The following MROH7 variants were observed in gnomAD, a reference collection of about 807,000 sequenced individuals.
MROH7 encodes maestro heat like repeat family member 7.
MROH7 carries 113 observed loss-of-function variants against 129.2 expected under a neutral mutation model. The observed-to-expected ratio is 0.87, with a 90% CI of 0.75 to 1.02. The LOEUF (loss-of-function observed/expected upper bound fraction) is 1.02, where lower values mean the gene tolerates loss of function less well. MROH7 is among the 50% of genes least tolerant of loss of function. MROH7 has a pLI of 0.00. For missense variants in MROH7, 1,601 were observed against 1,671.3 expected (o/e 0.96, Z 0.73); for synonymous variants, 655 against 667.9 (o/e 0.98, Z 0.30).
intron 4 of MROH7, among the ~76,000 whole-genome samples, chr1:54,667,549 G>C (rs979624909): frequency 1.3e-5 from 2 of 151,628 alleles, no homozygotes; most frequent in African/African-American, 4.9e-5. Flanking sequence ...TTTGCCTCCT[G>C]GGTTCAAGTG....
At chr1:54,683,172 A>AT (rs1358782214) in intron 14 of MROH7, among the ~76,000 whole-genome samples, 3 of 152,116 alleles carry the variant, frequency 2.0e-5, no homozygotes, top group Non-Finnish European at 2.9e-5. Flanking sequence ...CCTCTTCTCT[A>AT]TTTTTTTAAA....
chr1:54,662,806 C>G (rs1042959349), intron 3 of MROH7, among the ~76,000 whole-genome samples: 5 of 152,148 alleles, frequency 3.3e-5, no homozygotes, highest in Non-Finnish European at 7.4e-5. Flanking sequence ...TACGTTTTTT[C>G]TAGTCTGATC....
Position 54,652,911 on chromosome 1 carries a change from G to A in MROH7, c.-16G>A. 5 of 1,544,186 alleles carry A rather than the reference G, an allele frequency of 3.2e-6. No homozygotes were observed. Among genetic ancestry groups the A allele is most frequent in the Non-Finnish European group, 4.4e-6 (5 of 1,148,992 alleles). On this transcript the variant is annotated 5_prime_UTR_variant, in exon 3 of 24. Transcript: ENST00000421030. ...AGAGAAGCGGGCACTGGCATTGAGA[G>A]ACCTCCAGACTGGACATGGCCCTGA...
Position 54,652,961 on chromosome 1 carries a change from A to C in MROH7, c.35A>C (p.His12Pro). ...AGTCCAGGGGCTAACCTGGTCTTCC[A>C]TGAAGACCCAAAGATGACACCAAGT... Reference protein sequence around the residue: ...ALSPGANLVFHEDPKMTPSPP... With the variant: ...ALSPGANLVFPEDPKMTPSPP... The change falls in exon 3 of 24, where the codon CAT becomes CCT. Residue 12 changes from histidine (H) to proline (P), a missense_variant. Coordinates refer to ENST00000421030, the MANE Select transcript of MROH7 (RefSeq NM_001039464.4). 1 of 1,610,098 alleles carries C rather than the reference A, an allele frequency of 6.2e-7. No homozygotes were observed. Among genetic ancestry groups the C allele is most frequent in the Non-Finnish European group, 8.5e-7 (1 of 1,178,136 alleles).
At chr1:54,709,175 C>A in intron 23 of MROH7, 99 bp downstream of exon 23, 1 of 1,137,250 alleles carries the variant, frequency 8.8e-7, no homozygotes, top group Non-Finnish European at 1.3e-6. Flanking sequence ...TGTCCCAAGA[C>A]AAGGGTCTTC....
At chr1:54,695,825 G>T (rs1645313426) in intron 17 of MROH7, 1 of 370,620 alleles carries the variant, frequency 2.7e-6, no homozygotes, top group South Asian at 2.1e-5. Context: ...GGACACAGAG[G>T]ACACCCCAGT....
intron 16 of MROH7, among the ~76,000 whole-genome samples, chr1:54,694,763 T>C (rs1212865377): frequency 1.3e-5 from 2 of 152,054 alleles, no homozygotes; most frequent in Non-Finnish European, 2.9e-5. Flanking sequence ...GCGCCTGGCT[T>C]GGGATGGTTC....
At position 54,679,449 on chromosome 1, in the gene MROH7, C is replaced by A; in HGVS notation, c.2226+10C>A. 12 of 1,610,228 alleles carry A rather than the reference C, an allele frequency of 7.5e-6. No individual in the cohort carries two copies. Among genetic ancestry groups the A allele is most frequent in the Non-Finnish European group, 1.0e-5 (12 of 1,177,642 alleles). On this transcript the variant is annotated intron_variant, in intron 12 of 23. Coordinates refer to ENST00000421030, the MANE Select transcript of MROH7 (RefSeq NM_001039464.4). ...CAGGGCGCTGGAGGTGGTAAGGCCT[C>A]CTGGGGGCAGGGAGTGAACTGTCAC... is the stretch of plus-strand genomic sequence containing the variant.
At chr1:54,685,308 A>G (rs2101147264) in intron 14 of MROH7, among the ~76,000 whole-genome samples, 1 of 152,276 alleles carries the variant, frequency 6.6e-6, no homozygotes, top group East Asian at 1.9e-4. Context: ...GGCATGAGCC[A>G]CTGTGCCTGG....
At chr1:54,707,638 A>G (rs1260250282) in intron 22 of MROH7, among the ~76,000 whole-genome samples, 2 of 152,172 alleles carry the variant, frequency 1.3e-5, no homozygotes, top group Non-Finnish European at 2.9e-5. Flanking sequence ...TCTTGCTCTA[A>G]ATTAATCACT....
intron 3 of MROH7, among the ~76,000 whole-genome samples, chr1:54,655,613 C>T (rs1378764316): frequency 6.6e-6 from 1 of 151,994 alleles, no homozygotes; most frequent in Non-Finnish European, 1.5e-5. Flanking sequence ...CTCCTGGCCT[C>T]AAGCTATCCT....
chr1:54,653,740 T>A lies in MROH7; in HGVS notation c.814T>A (p.Ser272Thr). Residue 272 changes from serine (S) to threonine (T), a missense_variant, in exon 3 of 24, where the codon TCA becomes ACA. Coordinates refer to ENST00000421030, the MANE Select transcript of MROH7 (RefSeq NM_001039464.4). ...CTTTAGTACCACCTGGAGCACAAGT[T>A]CAAAGGAAACCATGAATGTGGCTTC... ...GAFSTTWSTSSKETMNVASSG... is the reference protein window; with the variant it reads ...GAFSTTWSTSTKETMNVASSG... The A allele has an allele frequency of 6.2e-7, 1 of 1,614,178 alleles. No individual in the cohort carries two copies.
intron 17 of MROH7, chr1:54,697,334 A>AG (rs1645339616): frequency 3.6e-6 from 1 of 279,138 alleles, no homozygotes; most frequent in Non-Finnish European, 6.7e-6. Context: ...ATGAGTTGGG[A>AG]GAAGGGACCA....
At chr1:54,709,188 C>A in intron 23 of MROH7, 112 bp downstream of exon 23, 2 of 1,021,478 alleles carry the variant, frequency 2.0e-6, no homozygotes, top group African/African-American at 1.6e-5. Context: ...GGGTCTTCAA[C>A]TCAGTTCAGT....
At chr1:54,695,699 C>A (rs1645311146) in intron 17 of MROH7, 1 of 603,608 alleles carries the variant, frequency 1.7e-6, no homozygotes, top group African/African-American at 1.8e-5. Flanking sequence ...TAACCAGACT[C>A]CCCTAGTGCC....
In MROH7 at chr1:54,674,005, A is replaced by C. The variant is rs1644943684; in HGVS notation, c.1801-11A>C. 5.6e-6 allele frequency: 9 copies of C among 1,613,360 alleles called. No homozygotes were observed. Among genetic ancestry groups the C allele is most frequent in the Non-Finnish European group, 7.6e-6 (9 of 1,179,730 alleles). Reference sequence around the variant, plus strand: ...TATAACACTCAATCCCTAAGATTGCAATACAAACAGATGCCCTTGGGGTTC... The same window carrying C: ...TATAACACTCAATCCCTAAGATTGCCATACAAACAGATGCCCTTGGGGTTC... On this transcript the variant is annotated splice_polypyrimidine_tract_variant and intron_variant, in intron 9 of 23. Coordinates refer to ENST00000421030, the MANE Select transcript of MROH7 (RefSeq NM_001039464.4).
intron 10 of MROH7, among the ~76,000 whole-genome samples, chr1:54,678,323 T>C (rs1456301125): frequency 6.6e-6 from 1 of 152,166 alleles, no homozygotes; most frequent in Non-Finnish European, 1.5e-5. Flanking sequence ...TGATAACTAA[T>C]CATAGTCTTT....
chr1:54,670,509 G>A lies in MROH7; in HGVS notation c.1402G>A (p.Glu468Lys), dbSNP rs1644880458. Residue 468 changes from glutamate to lysine, a missense_variant, in exon 6 of 24, where the codon GAG becomes AAG. Coordinates refer to ENST00000421030, the MANE Select transcript of MROH7 (RefSeq NM_001039464.4). ...GCCCCCTGTCCAGAGGCAGATCCAGGAGGAGCCACTGGATTCTCTCTCAAG... is the reference window on the plus strand; with the variant it reads ...GCCCCCTGTCCAGAGGCAGATCCAGAAGGAGCCACTGGATTCTCTCTCAAG... ...MIKKIMRQIQ[E>K]EPLDSLSSSV... 2 of 1,613,816 alleles carry A rather than the reference G, an allele frequency of 1.2e-6. No homozygotes were observed. Among genetic ancestry groups the A allele is most frequent in the East Asian group, 2.2e-5 (1 of 44,852 alleles).
Position 54,653,421 on chromosome 1 carries a change from G to A in MROH7, c.495G>A (p.Gln165=). 1 of 1,614,188 alleles carries A rather than the reference G, an allele frequency of 6.2e-7. No homozygotes were observed. Among genetic ancestry groups the A allele is most frequent in the East Asian group, 2.2e-5 (1 of 44,880 alleles). ...CAAGTAAGATTTTCAAGTTGGGTCA[G>A]AGAAACTCCAACCCTTCTAGGCATG... ...CLSSKIFKLG[Q]RNSNPSRHEL... The change falls in exon 3 of 24, where the codon CAG becomes CAA. Residue 165 remains glutamine (Q), a synonymous_variant. Transcript: ENST00000421030.
Sources: allele counts gnomAD v4.1 joint callset (sites outside exome capture counted in the v4.1 genomes callset), GRCh38; gene constraint gnomAD v4.1.1; transcripts MANE v1.5; gene names NCBI Gene and HGNC (gene_info 2026-07-23, HGNC 2026-07-21).